EML4: variants seen among roughly 807,000 people sequenced by gnomAD.
EML4 encodes EMAP like 4.
A neutral mutation model predicts 129.0 loss-of-function variants in EML4; 72 were observed. That is an observed-to-expected ratio of 0.56 (90% CI 0.46 to 0.68). EML4 has a LOEUF of 0.68. EML4 is among the 30% of genes least tolerant of loss of function. The probability of loss-of-function intolerance (pLI) is 0.00; values close to 1 mark genes in which losing one functional copy is unlikely to be tolerated. For missense variants in EML4, 1,363 were observed against 1,190.6 expected (o/e 1.14, Z -2.13); for synonymous variants, 532 against 405.0 (o/e 1.31, Z -3.77).
At chr2:42,296,054 C>G (rs1667929881) in intron 13 of EML4, among the ~76,000 whole-genome samples, 1 of 152,134 alleles carries the variant, frequency 6.6e-6, no homozygotes, top group African/African-American at 2.4e-5. Context: ...CCCAAATATA[C>G]AGGTCCTCTT....
intron 17 of EML4, among the ~76,000 whole-genome samples, chr2:42,306,133 C>T (rs1668581301): frequency 6.6e-6 from 1 of 152,152 alleles, no homozygotes; most frequent in Non-Finnish European, 1.5e-5. Context: ...AGAAGGCTAG[C>T]TCAGATCTTC....
chr2:42,305,373 A>G (rs1558595853), intron 17 of EML4, among the ~76,000 whole-genome samples: 1 of 152,238 alleles, frequency 6.6e-6, no homozygotes, highest in South Asian at 2.1e-4. Context: ...TATGGGCTTC[A>G]TTGAAAAGGA....
chr2:42,207,058 G>A (rs1419483763), intron 1 of EML4, among the ~76,000 whole-genome samples: 1 of 152,120 alleles, frequency 6.6e-6, no homozygotes, highest in South Asian at 2.1e-4. Context: ...CTGAATATGT[G>A]TTCAGTACAC....
At chr2:42,258,505 A>G (rs892954385) in intron 3 of EML4, among the ~76,000 whole-genome samples, 12 of 152,114 alleles carry the variant, frequency 7.9e-5, no homozygotes, top group African/African-American at 2.2e-4. Flanking sequence ...TGTTCAAGAG[A>G]TTCTCCTGCT....
chr2:42,289,694 C>T (rs1241644955), intron 11 of EML4: 1 of 152,074 alleles, frequency 6.6e-6, no homozygotes, highest in African/African-American at 2.4e-5. Flanking sequence ...TCCAGGTAGT[C>T]AGGAAGTTCT....
At chr2:42,187,260 G>C (rs1033469742) in intron 1 of EML4, among the ~76,000 whole-genome samples, 1 of 151,812 alleles carries the variant, frequency 6.6e-6, no homozygotes, top group Non-Finnish European at 1.5e-5. Context: ...TGTTGCCCAG[G>C]CTGGTCTTGA....
chr2:42,293,108 C>A (rs762628164), intron 11 of EML4, among the ~76,000 whole-genome samples: 21 of 147,210 alleles, frequency 1.4e-4, no homozygotes, highest in Non-Finnish European at 7.5e-5. Flanking sequence ...TTATCTTCAA[C>A]TTTTTTTTTT....
At chr2:42,282,735 C>G (rs1386223422) in intron 7 of EML4, 88 bp from the exon 8 acceptor site, 2 of 1,163,282 alleles carry the variant, frequency 1.7e-6, no homozygotes, top group East Asian at 2.3e-5. Context: ...CTTCATTGTA[C>G]CTTCCTAATT....
chr2:42,220,265 G>A (rs1178060731), intron 1 of EML4, among the ~76,000 whole-genome samples: 3 of 136,200 alleles, frequency 2.2e-5, no homozygotes, highest in African/African-American at 8.2e-5. Context: ...TTTACAAATT[G>A]AAGGTTTTTG....
At position 42,330,558 on chromosome 2, in the gene EML4, T is replaced by G. The variant is rs1416888374; in HGVS notation, c.*351T>G. The G allele has an allele frequency of 2.3e-6, 1 of 436,390 alleles. No individual in the cohort carries two copies. The highest frequency in any genetic ancestry group is 3.5e-5 in the Admixed American group (1 of 28,456). 27.0% of individuals were successfully genotyped at this position (436,390 alleles called of 1,614,324 possible). ...CCCCTTGTTATCTGAACATGTTTTC[T>G]TCAGGAACAACCAGAGGTATCACAA... On this transcript the variant is annotated 3_prime_UTR_variant, in exon 23 of 23. Transcript: ENST00000318522.
At chr2:42,267,276 T>A (rs908316930) in intron 6 of EML4, among the ~76,000 whole-genome samples, 9 of 152,208 alleles carry the variant, frequency 5.9e-5, no homozygotes, top group Non-Finnish European at 1.3e-4. Flanking sequence ...ATTTGTATTA[T>A]CAGATGAAAA....
chr2:42,245,449 A>T, intron 1 of EML4, 56 bp from the exon 2 acceptor site: 4 of 1,462,830 alleles, frequency 2.7e-6, no homozygotes, highest in Non-Finnish European at 3.7e-6. Context: ...TCTAATCAGA[A>T]ATTACTTCTC....
intron 1 of EML4, among the ~76,000 whole-genome samples, chr2:42,198,050 C>T (rs1051836423): frequency 2.6e-5 from 4 of 152,132 alleles, no homozygotes; most frequent in African/African-American, 9.7e-5. Flanking sequence ...GGTACTAATA[C>T]AAGTACCTAG....
chr2:42,247,452 G>A (rs978425454), intron 2 of EML4, among the ~76,000 whole-genome samples: 5 of 152,086 alleles, frequency 3.3e-5, no homozygotes, highest in Non-Finnish European at 5.9e-5. Flanking sequence ...GCCCGGTTTT[G>A]TGATTCCCAC....
In EML4 at chr2:42,228,821, A is replaced by G. The variant is rs17029360; in HGVS notation, c.26-16684A>G. Among the ~76,000 whole-genome samples, 160 of 152,328 alleles carry G rather than the reference A, an allele frequency of 1.1e-3. 1 individual carries two copies. Among genetic ancestry groups the G allele is most frequent in the African/African-American group, 3.5e-3 (144 of 41,580 alleles). On this transcript the variant is annotated intron_variant, in intron 1 of 22. Coordinates refer to ENST00000318522, the MANE Select transcript of EML4 (RefSeq NM_019063.5). ...CCACAATGCTTGCTAGGGTTAGGAA[A>G]CAGTCTTATTTAAATCCTAACAATG... is the stretch of plus-strand genomic sequence containing the variant.
intron 1 of EML4, among the ~76,000 whole-genome samples, chr2:42,212,725 A>G (rs1290235835): frequency 6.6e-6 from 1 of 152,242 alleles, no homozygotes. Flanking sequence ...GCATTTCTAT[A>G]TCTTTATCAC....
intron 1 of EML4, among the ~76,000 whole-genome samples, chr2:42,201,106 AT>A (rs1471470998): frequency 4.6e-5 from 7 of 152,196 alleles, no homozygotes; most frequent in Non-Finnish European, 8.8e-5. Flanking sequence ...ATTTCTGAAG[AT>A]TTTGTCAACT....
At chr2:42,277,681 G>T (rs1054585337) in intron 6 of EML4, among the ~76,000 whole-genome samples, 3 of 150,380 alleles carry the variant, frequency 2.0e-5, no homozygotes, top group Non-Finnish European at 4.4e-5. Context: ...CAATTCTCCT[G>T]CCTCAGCCTT....
intron 3 of EML4, 68 bp from the exon 4 acceptor site, chr2:42,261,053 T>C (rs1665701950): frequency 8.2e-7 from 1 of 1,221,692 alleles, no homozygotes; most frequent in Non-Finnish European, 1.1e-6. Flanking sequence ...AATAATCACT[T>C]TTCTATCGTT....
Sources: gnomAD v4.1 joint callset for allele counts (sites outside exome capture counted in the v4.1 genomes callset) on GRCh38, gnomAD v4.1.1 for gene constraint, MANE v1.5 for transcripts, NCBI Gene and HGNC (gene_info 2026-07-23, HGNC 2026-07-21) for gene names.